ZNF737: variants seen among roughly 807,000 people sequenced by gnomAD.
ZNF737 encodes zinc finger protein 102 (Y3).
A neutral mutation model predicts 11.7 loss-of-function variants in ZNF737; 13 were observed. The observed-to-expected ratio is 1.11, with a 90% CI of 0.73 to 1.77. The LOEUF is 1.77. Among genes scored for constraint, ZNF737 ranks in the 40% most tolerant of loss-of-function variants. The pLI, the probability that ZNF737 is intolerant of heterozygous loss-of-function variation, is 0.00. For missense variants in ZNF737, 636 were observed against 638.0 expected, an observed-to-expected ratio of 1.00 and a Z score of 0.03; for synonymous variants, 217 against 216.2, an observed-to-expected ratio of 1.00 and a Z score of -0.03.
At chr19:20,564,022 T>C (rs1398297172) in intron 1 of ZNF737, 4 of 151,856 alleles carry the variant, frequency 2.6e-5, no homozygotes, top group African/African-American at 9.7e-5. Context: ...AAGAATTAGC[T>C]GGGTGTGGTG....
chr19:20,534,047 C>T (rs1432951721), downstream of ZNF737, among the ~76,000 whole-genome samples: 1 of 150,174 alleles, frequency 6.7e-6, no homozygotes, highest in Non-Finnish European at 1.5e-5. Context: ...CCGGGCTGAG[C>T]TAATTTGCTG....
At chr19:20,537,633 C>T (rs767465648), downstream of ZNF737, among the ~76,000 whole-genome samples, 1 of 148,706 alleles carries the variant, frequency 6.7e-6, no homozygotes, top group African/African-American at 2.5e-5. Flanking sequence ...TCTTCTGCCT[C>T]AGCCTCCCAA....
At chr19:20,537,490 C>A (rs533653217), downstream of ZNF737, among the ~76,000 whole-genome samples, 668 of 147,680 alleles carry the variant, frequency 4.5e-3, 6 homozygotes, top group African/African-American at 0.017. Flanking sequence ...GCGCGAGCCA[C>A]CACATTCAGC....
At chr19:20,548,427 C>G (rs892509289) in intron 3 of ZNF737, among the ~76,000 whole-genome samples, 6 of 152,170 alleles carry the variant, frequency 3.9e-5, no homozygotes, top group African/African-American at 1.4e-4. Context: ...TATGATTCCA[C>G]ATATATGATA....
At chr19:20,536,729 G>T (rs1342566001), downstream of ZNF737, among the ~76,000 whole-genome samples, 4 of 151,990 alleles carry the variant, frequency 2.6e-5, no homozygotes, top group African/African-American at 7.3e-5. Flanking sequence ...ATTGCTTGAG[G>T]TCATCAGTTC....
chr19:20,552,335 A>AG, intron 3 of ZNF737, 140 bp downstream of exon 3: 1 of 456,050 alleles, frequency 2.2e-6, no homozygotes, highest in East Asian at 4.9e-5. Flanking sequence ...TAAAAAAGAA[A>AG]AAAAAAAAAA....
chr19:20,565,133 C>T (rs1447947509), intron 1 of ZNF737, among the ~76,000 whole-genome samples: 3 of 152,072 alleles, frequency 2.0e-5, no homozygotes. Flanking sequence ...TGGGGTTTCC[C>T]CATTTGGGCC....
chr19:20,531,167 A>G (rs371648510), downstream of ZNF737, among the ~76,000 whole-genome samples: 82 of 144,486 alleles, frequency 5.7e-4, 2 homozygotes, highest in South Asian at 0.019. Context: ...CAGTGAGCCG[A>G]GATGGCAGCA....
At chr19:20,534,486 T>TATCTATC (rs1297344092), downstream of ZNF737, among the ~76,000 whole-genome samples, 1 of 147,530 alleles carries the variant, frequency 6.8e-6, no homozygotes, top group African/African-American at 2.5e-5. Context: ...TCTATCTATC[T>TATCTATC]ATCTACTGTC....
chr19:20,547,378 C>T (rs1404672055), intron 3 of ZNF737, among the ~76,000 whole-genome samples: 3 of 99,926 alleles, frequency 3.0e-5, no homozygotes, highest in Non-Finnish European at 5.5e-5. Context: ...GAGACTCCGT[C>T]TCAAAAAAAA....
chr19:20,532,945 A>G (rs1967865047), downstream of ZNF737, among the ~76,000 whole-genome samples: 1 of 150,120 alleles, frequency 6.7e-6, no homozygotes, highest in South Asian at 2.2e-4. Context: ...TCTGCCTCAA[A>G]GACAAAAAGA....
In ZNF737 at chr19:20,542,839, G is replaced by A. The variant is rs1357021739; in HGVS notation, c.*1753C>T. 2.0e-6 allele frequency: 2 copies of A among 985,132 alleles called. No individual in the cohort carries two copies. Among genetic ancestry groups the A allele is most frequent in the African/African-American group, 1.7e-5 (1 of 57,208 alleles). The allele number at this position is 985,132 out of a possible 1,614,324, so 61.0% of individuals were successfully genotyped here. ...CCACTGATCACATGCTTTCTCACAT[G>A]TGAATAGAAATAAAATAACAGCATA... On this transcript the variant is annotated 3_prime_UTR_variant, in exon 4 of 4. Coordinates refer to ENST00000427401, the MANE Select transcript of ZNF737 (RefSeq NM_001159293.2).
Position 20,540,108 on chromosome 19 carries a change from T to A in ZNF737, c.*4484A>T. On this transcript the variant is annotated 3_prime_UTR_variant, in exon 4 of 4. Transcript: ENST00000427401. ...CTTATGTTCCTTACTGGAAGCAACA[T>A]GGAGGAGGCAGAAATGATGGCAAGA... 1 of 985,316 alleles carries A rather than the reference T, an allele frequency of 1.0e-6. No individual in the cohort carries two copies. The highest frequency in any genetic ancestry group is 1.2e-6 in the Non-Finnish European group (1 of 829,914). 61.0% of individuals were successfully genotyped at this position (985,316 alleles called of 1,614,324 possible).
downstream of ZNF737, among the ~76,000 whole-genome samples, chr19:20,537,191 G>GTTTTTTTTT (rs113521016): frequency 6.8e-6 from 1 of 146,128 alleles, no homozygotes; most frequent in African/African-American, 2.5e-5. Flanking sequence ...TAAGGTACTG[G>GTTTTTTTTT]TTTTTTTTTT....
chr19:20,550,640 A>G (rs2144647622), intron 3 of ZNF737, among the ~76,000 whole-genome samples: 1 of 152,318 alleles, frequency 6.6e-6, no homozygotes, highest in South Asian at 2.1e-4. Context: ...CTGTAATGAC[A>G]GCTCCATGGA....
Position 20,545,492 on chromosome 19 carries a change from G to A in ZNF737, c.711C>T (p.Ala237=), listed in dbSNP as rs1555756712. The A allele has an allele frequency of 6.2e-7, 1 of 1,613,260 alleles. No individual in the cohort carries two copies. Among genetic ancestry groups the A allele is most frequent in the Non-Finnish European group, 8.5e-7 (1 of 1,179,736 alleles). ...KRYKCEDCGK[A]FSRFSYLTAH... ...CAGTAAGGTATGAAAACCGGCTAAA[G>A]GCTTTGCCACAGTCTTCACATTTGT... The change falls in exon 4 of 4, where the codon GCC becomes GCT. Residue 237 remains alanine, a synonymous_variant. Transcript: ENST00000427401.
rs1246251543 is a variant in ZNF737, at chr19:20,540,063, T to C, written c.*4529A>G. The C allele has an allele frequency of 2.9e-5, 29 of 985,272 alleles. No individual in the cohort carries two copies. Among genetic ancestry groups the C allele is most frequent in the African/African-American group, 1.6e-4 (9 of 57,222 alleles). The allele number at this position is 985,272 out of a possible 1,614,324, so 61.0% of individuals were successfully genotyped here. The stretch of plus-strand genomic sequence containing the variant: ...TGAATGAATGAGATTCCCTTTTTTT[T>C]CCCTCTGCCATAGAATCCTCTTATG... On this transcript the variant is annotated 3_prime_UTR_variant, in exon 4 of 4. Coordinates refer to ENST00000427401, the MANE Select transcript of ZNF737 (RefSeq NM_001159293.2).
At position 20,553,184 on chromosome 19, in the gene ZNF737, G is replaced by A. The variant is rs190233664; in HGVS notation, c.130+525C>T. On this transcript the variant is annotated intron_variant, in intron 2 of 3. Coordinates refer to ENST00000427401, the MANE Select transcript of ZNF737 (RefSeq NM_001159293.2). ...TTTCTGGAATTACCACTAATTTGGA[G>A]TGAAGATTACAGCTCACCTCACAAA... 4.5e-4 allele frequency among the ~76,000 whole-genome samples: 68 copies of A among 152,258 alleles called. No individual in the cohort carries two copies. In the East Asian group the frequency reaches 0.013, roughly 29 times the overall value.
At chr19:20,560,023 G>A (rs1158788844) in intron 1 of ZNF737, among the ~76,000 whole-genome samples, 3 of 151,166 alleles carry the variant, frequency 2.0e-5, no homozygotes, top group Non-Finnish European at 4.4e-5. Flanking sequence ...AAAATTAGCC[G>A]GGCGCGGTGG....
Sources: allele counts gnomAD v4.1 joint callset (sites outside exome capture counted in the v4.1 genomes callset), GRCh38; gene constraint gnomAD v4.1.1; transcripts MANE v1.5; gene names NCBI Gene and HGNC (gene_info 2026-07-23, HGNC 2026-07-21).